Variants in ALK observed in about 807,000 individuals in gnomAD.
The protein encoded by ALK is ALK receptor tyrosine kinase.
Under a neutral mutation model 163.1 loss-of-function variants are expected in ALK, and 74 were observed. The observed-to-expected ratio is 0.45, with a 90% CI of 0.38 to 0.55. The LOEUF (loss-of-function observed/expected upper bound fraction) is 0.55. ALK is among the 20% of genes least tolerant of loss of function. The pLI is 0.00. For missense variants in ALK, 2,063 were observed against 2,105.3 expected (o/e 0.98, Z 0.39); for synonymous variants, 960 against 843.2 (o/e 1.14, Z -2.40).
At chr2:29,601,071 C>T (rs989164449) in intron 3 of ALK, among the ~76,000 whole-genome samples, 2 of 152,196 alleles carry the variant, frequency 1.3e-5, no homozygotes, top group African/African-American at 4.8e-5. Flanking sequence ...TGCATTTTCA[C>T]ACAGCTCTGC....
chr2:29,671,790 G>C (rs1399445650), intron 3 of ALK, among the ~76,000 whole-genome samples: 1 of 151,900 alleles, frequency 6.6e-6, no homozygotes, highest in African/African-American at 2.4e-5. Flanking sequence ...CTTTGGTTTT[G>C]ATTTTCTACA....
chr2:29,306,603 T>G (rs985294131), intron 8 of ALK, among the ~76,000 whole-genome samples: 5 of 152,242 alleles, frequency 3.3e-5, no homozygotes, highest in African/African-American at 7.2e-5. Context: ...AGGGAGCTAG[T>G]GAATTTTAAT....
chr2:29,539,210 G>A (rs1365151158), intron 3 of ALK, among the ~76,000 whole-genome samples: 2 of 152,108 alleles, frequency 1.3e-5, no homozygotes, highest in African/African-American at 4.8e-5. Flanking sequence ...CAGTGAATAA[G>A]GGTTATATTT....
chr2:29,632,075 T>G (rs912745096), intron 3 of ALK, among the ~76,000 whole-genome samples: 2 of 152,206 alleles, frequency 1.3e-5, no homozygotes, highest in African/African-American at 4.8e-5. Context: ...GGGTCCGGAT[T>G]CATCTCTTAG....
At chr2:29,858,904 G>C (rs764939887) in intron 1 of ALK, among the ~76,000 whole-genome samples, 1 of 149,210 alleles carries the variant, frequency 6.7e-6, no homozygotes, top group Non-Finnish European at 1.5e-5. Context: ...CCAGGCACAC[G>C]TGCCTGTAGT....
At chr2:29,417,151 C>A (rs760873666) in intron 4 of ALK, among the ~76,000 whole-genome samples, 6 of 151,820 alleles carry the variant, frequency 4.0e-5, no homozygotes, top group Non-Finnish European at 8.8e-5. Context: ...CCATGCCCGG[C>A]TAATTTTTTT....
intron 3 of ALK, among the ~76,000 whole-genome samples, chr2:29,610,923 C>A (rs929479490): frequency 6.6e-6 from 1 of 152,126 alleles, no homozygotes; most frequent in Non-Finnish European, 1.5e-5. Context: ...TCCTCTAGGA[C>A]CCCACTGAAA....
intron 1 of ALK, among the ~76,000 whole-genome samples, chr2:29,776,223 G>GT (rs1478084762): frequency 2.4e-4 from 9 of 37,382 alleles, no homozygotes; most frequent in African/African-American, 6.6e-4. Flanking sequence ...ATGGAATTTT[G>GT]TTAAAAAAAA....
chr2:29,469,009 T>A (rs1671282839), intron 4 of ALK, among the ~76,000 whole-genome samples: 1 of 151,936 alleles, frequency 6.6e-6, no homozygotes, highest in Non-Finnish European at 1.5e-5. Context: ...TAAATAACAC[T>A]CACATGCTTG....
intron 23 of ALK, among the ~76,000 whole-genome samples, chr2:29,218,434 T>C (rs1669697378): frequency 6.6e-6 from 1 of 152,040 alleles, no homozygotes; most frequent in South Asian, 2.1e-4. Context: ...GGTGGCACTC[T>C]GGGGTGGGGG....
chr2:29,596,227 G>A (rs1212873987), intron 3 of ALK, among the ~76,000 whole-genome samples: 2 of 152,106 alleles, frequency 1.3e-5, no homozygotes, highest in East Asian at 1.9e-4. Context: ...CCCAAATAGA[G>A]GCTCTGTTTT....
At chr2:29,393,992 C>A (rs1332362213) in intron 4 of ALK, among the ~76,000 whole-genome samples, 2 of 152,112 alleles carry the variant, frequency 1.3e-5, no homozygotes, top group Non-Finnish European at 2.9e-5. Flanking sequence ...AAAATTATTT[C>A]CATTTTAAGG....
At chr2:29,479,540 C>G (rs946715576) in intron 4 of ALK, among the ~76,000 whole-genome samples, 1 of 152,242 alleles carries the variant, frequency 6.6e-6, no homozygotes, top group African/African-American at 2.4e-5. Context: ...CATGAAATCT[C>G]TGGATGTCAC....
chr2:29,379,053 C>T (rs752654665), intron 5 of ALK, among the ~76,000 whole-genome samples: 2 of 152,164 alleles, frequency 1.3e-5, no homozygotes, highest in African/African-American at 2.4e-5. Flanking sequence ...GCTAGTCTTT[C>T]CCATTCTGAC....
intron 4 of ALK, among the ~76,000 whole-genome samples, chr2:29,481,410 C>T (rs1007984162): frequency 6.6e-6 from 1 of 152,182 alleles, no homozygotes; most frequent in Non-Finnish European, 1.5e-5. Context: ...TTCCTGGAAA[C>T]TACAAGCTCC....
chr2:29,870,372 G>A (rs1159787804), intron 1 of ALK, among the ~76,000 whole-genome samples: 2 of 152,034 alleles, frequency 1.3e-5, no homozygotes, highest in African/African-American at 4.8e-5. Flanking sequence ...AAGTGTGAAC[G>A]GGAGAGTGTT....
chr2:29,411,268 C>G (rs79262749), intron 4 of ALK, among the ~76,000 whole-genome samples: 1 of 152,124 alleles, frequency 6.6e-6, no homozygotes. Flanking sequence ...GATAACAATG[C>G]CTTCTTCTGG....
chr2:29,447,168 T>C (rs905247331), intron 4 of ALK, among the ~76,000 whole-genome samples: 2 of 152,138 alleles, frequency 1.3e-5, no homozygotes, highest in Admixed American at 6.5e-5. Flanking sequence ...TAAGTCCAGA[T>C]ACCTGATGGA....
chr2:29,680,484 A>G (rs1386578275), intron 3 of ALK, among the ~76,000 whole-genome samples: 2 of 151,546 alleles, frequency 1.3e-5, no homozygotes, highest in Non-Finnish European at 2.9e-5. Flanking sequence ...TGAATTCTTC[A>G]TTTTAGTTAC....
Sources: allele counts gnomAD v4.1 joint callset (sites outside exome capture counted in the v4.1 genomes callset), GRCh38; gene constraint gnomAD v4.1.1; transcripts MANE v1.5; gene names NCBI Gene and HGNC (gene_info 2026-07-23, HGNC 2026-07-21).